The following SNTG1 variants were observed in gnomAD, a reference collection of about 807,000 sequenced individuals.
The protein encoded by SNTG1 is gamma-1-syntrophin.
A neutral mutation model predicts 74.7 loss-of-function variants in SNTG1; 39 were observed. The ratio of observed to expected loss-of-function variants is 0.52; its 90% CI spans 0.40 to 0.68. SNTG1 has a LOEUF of 0.68. Among genes scored for constraint, SNTG1 ranks in the 30% least tolerant of loss-of-function variants. The pLI is 0.00. For missense variants in SNTG1, 685 were observed against 609.5 expected, an observed-to-expected ratio of 1.12 and a Z score of -1.30; for synonymous variants, 254 against 217.1, an observed-to-expected ratio of 1.17 and a Z score of -1.49.
intron 2 of SNTG1, among the ~76,000 whole-genome samples, chr8:50,198,891 G>A (rs1342063072): frequency 1.3e-5 from 2 of 151,726 alleles, no homozygotes; most frequent in East Asian, 3.9e-4. Flanking sequence ...TAAAATCCCT[G>A]AATTAAAGTC....
intron 2 of SNTG1, among the ~76,000 whole-genome samples, chr8:50,262,082 A>G (rs12679576): frequency 0.56 from 85,727 of 151,986 alleles, 27,931 homozygotes; most frequent in East Asian, 0.83. Context: ...CAAATACTAG[A>G]AGATTAAATA....
At chr8:50,619,576 A>C (rs946270523) in intron 13 of SNTG1, among the ~76,000 whole-genome samples, 9 of 151,872 alleles carry the variant, frequency 5.9e-5, no homozygotes, top group Non-Finnish European at 8.8e-5. Context: ...CTAAAAGTAT[A>C]AAAAATTAGC....
At chr8:50,487,037 G>T (rs1443038860) in intron 8 of SNTG1, among the ~76,000 whole-genome samples, 1 of 152,148 alleles carries the variant, frequency 6.6e-6, no homozygotes, top group Non-Finnish European at 1.5e-5. Context: ...TTGATGTGCT[G>T]CTGGATTCGG....
chr8:50,272,702 T>C (rs910696640), intron 2 of SNTG1, among the ~76,000 whole-genome samples: 7 of 152,312 alleles, frequency 4.6e-5, no homozygotes, highest in Middle Eastern at 3.4e-3. Context: ...TGTACATGTG[T>C]ACGATGTATC....
rs748998779 is a variant in SNTG1 at position 49,980,919 on chromosome 8, GAGA to G, written c.-103+68693_-103+68695del. Among the ~76,000 whole-genome samples, 20 of 152,090 alleles carry G rather than the reference GAGA, an allele frequency of 1.3e-4. No homozygotes were observed. The East Asian group carries it at 3.5e-3, about 26-fold the overall frequency. On this transcript the variant is annotated intron_variant, in intron 1 of 18. Transcript: ENST00000642720. ...TTTTGCTTAAAAAAATCTTTTCTTAGAGAAGAACTGTTTTTCCAATAAAAATGG... is the reference window on the plus strand; with the variant it reads ...TTTTGCTTAAAAAAATCTTTTCTTAGAGAACTGTTTTTCCAATAAAAATGG...
intron 18 of SNTG1, among the ~76,000 whole-genome samples, chr8:50,772,207 A>T (rs1393826974): frequency 1.3e-5 from 2 of 152,078 alleles, no homozygotes; most frequent in Admixed American, 1.3e-4. Context: ...ACTTCAATCT[A>T]TGAGGGCAGA....
intron 13 of SNTG1, among the ~76,000 whole-genome samples, chr8:50,656,449 G>C (rs1237734808): frequency 6.6e-6 from 1 of 152,150 alleles, no homozygotes. Context: ...AGGAGAAGTG[G>C]TGTGCCGCCC....
chr8:50,578,521 T>C (rs1395104237), intron 12 of SNTG1, among the ~76,000 whole-genome samples: 3 of 152,144 alleles, frequency 2.0e-5, no homozygotes, highest in African/African-American at 4.8e-5. Context: ...GTGGGTGATA[T>C]GATTTGGCCG....
intron 2 of SNTG1, among the ~76,000 whole-genome samples, chr8:50,327,922 G>A (rs778291620): frequency 6.6e-5 from 10 of 152,076 alleles, no homozygotes; most frequent in African/African-American, 2.4e-4. Flanking sequence ...TTCACAGATA[G>A]TTCAAATACC....
chr8:49,942,326 T>G (rs751973235), intron 1 of SNTG1, among the ~76,000 whole-genome samples: 1 of 152,176 alleles, frequency 6.6e-6, no homozygotes, highest in Non-Finnish European at 1.5e-5. Context: ...CAAAATAAAT[T>G]TTATTTTTTG....
At chr8:50,171,811 A>C (rs1276975012) in intron 1 of SNTG1, among the ~76,000 whole-genome samples, 4 of 152,148 alleles carry the variant, frequency 2.6e-5, no homozygotes, top group African/African-American at 9.7e-5. Flanking sequence ...TCAGTTATAA[A>C]TATTATTTTC....
intron 15 of SNTG1, among the ~76,000 whole-genome samples, chr8:50,668,823 T>A (rs1020009073): frequency 2.0e-5 from 3 of 152,048 alleles, no homozygotes; most frequent in African/African-American, 7.2e-5. Flanking sequence ...TTTCTTTTTA[T>A]GGCTATGTAG....
At chr8:50,658,539 G>T in intron 14 of SNTG1, 53 bp from the exon 15 acceptor site, 1 of 1,301,344 alleles carries the variant, frequency 7.7e-7, no homozygotes, top group South Asian at 1.2e-5. Flanking sequence ...ATCAAATACA[G>T]TGGTAAATAA....
chr8:50,375,241 C>G (rs796284875), intron 2 of SNTG1, among the ~76,000 whole-genome samples: 1 of 152,074 alleles, frequency 6.6e-6, no homozygotes, highest in Non-Finnish European at 1.5e-5. Flanking sequence ...TGAATCTATA[C>G]TCTAATGTCA....
chr8:50,314,740 T>C (rs1430904109), intron 2 of SNTG1, among the ~76,000 whole-genome samples: 1 of 150,090 alleles, frequency 6.7e-6, no homozygotes, highest in Non-Finnish European at 1.5e-5. Context: ...GAAATGTAAA[T>C]GATAATTATA....
At chr8:50,346,330 T>C (rs1367316197) in intron 2 of SNTG1, among the ~76,000 whole-genome samples, 1 of 152,204 alleles carries the variant, frequency 6.6e-6, no homozygotes, top group Non-Finnish European at 1.5e-5. Context: ...TCTTTGATGT[T>C]ACTGGTGGGA....
At chr8:50,072,890 A>T (rs1026656437) in intron 1 of SNTG1, among the ~76,000 whole-genome samples, 8 of 152,224 alleles carry the variant, frequency 5.3e-5, no homozygotes, top group African/African-American at 1.9e-4. Flanking sequence ...AAAACAATGT[A>T]CATAATTTAA....
intron 2 of SNTG1, among the ~76,000 whole-genome samples, chr8:50,202,707 G>A (rs1028810636): frequency 6.6e-6 from 1 of 151,688 alleles, no homozygotes; most frequent in African/African-American, 2.4e-5. Context: ...TGTAAGGAGA[G>A]TTAAAGTAAA....
intron 1 of SNTG1, among the ~76,000 whole-genome samples, chr8:49,987,609 G>T (rs1463845883): frequency 1.3e-5 from 2 of 151,220 alleles, no homozygotes; most frequent in African/African-American, 4.9e-5. Context: ...TTAGGTCGGT[G>T]CAAAAGTAAT....
Sources: allele counts gnomAD v4.1 joint callset (sites outside exome capture counted in the v4.1 genomes callset), GRCh38; gene constraint gnomAD v4.1.1; transcripts MANE v1.5; gene names NCBI Gene and HGNC (gene_info 2026-07-23, HGNC 2026-07-21).